ANK3: variants seen among roughly 807,000 people sequenced by gnomAD.
ANK3 encodes ankyrin-3.
Under a neutral mutation model 370.9 loss-of-function variants are expected in ANK3, and 57 were observed. That is an observed-to-expected ratio of 0.15 (90% CI 0.12 to 0.19). ANK3 has a LOEUF of 0.19. ANK3 is among the 10% of genes least tolerant of loss of function. The probability of loss-of-function intolerance (pLI) is 1.00; values close to 1 mark genes in which losing one functional copy is unlikely to be tolerated. For missense variants in ANK3, 4,439 were observed against 5,302.1 expected, an observed-to-expected ratio of 0.84 and a Z score of 5.06; for synonymous variants, 1,929 against 1,946.3, an observed-to-expected ratio of 0.99 and a Z score of 0.23.
At chr10:60,577,576 C>T (rs749861279) in intron 2 of ANK3, among the ~76,000 whole-genome samples, 9 of 152,068 alleles carry the variant, frequency 5.9e-5, no homozygotes, top group Non-Finnish European at 1.0e-4. Flanking sequence ...TGTTTGCCAC[C>T]ATGTAAGATG....
chr10:60,209,416 T>C (rs1055327605), intron 9 of ANK3, among the ~76,000 whole-genome samples: 1 of 152,192 alleles, frequency 6.6e-6, no homozygotes, highest in African/African-American at 2.4e-5. Flanking sequence ...AAGCTCCTTG[T>C]TAACCATTCT....
At chr10:60,540,930 T>C (rs1466985993) in intron 2 of ANK3, among the ~76,000 whole-genome samples, 1 of 151,960 alleles carries the variant, frequency 6.6e-6, no homozygotes, top group Non-Finnish European at 1.5e-5. Flanking sequence ...ACAGCATGTA[T>C]AAAGATATTT....
intron 2 of ANK3, among the ~76,000 whole-genome samples, chr10:60,570,282 T>C (rs1174187673): frequency 1.3e-5 from 2 of 152,104 alleles, no homozygotes; most frequent in Non-Finnish European, 2.9e-5. Flanking sequence ...GAGAATAAAG[T>C]AGGTATCTGA....
chr10:60,502,509 A>T (rs2075826629), intron 2 of ANK3, among the ~76,000 whole-genome samples: 1 of 152,156 alleles, frequency 6.6e-6, no homozygotes, highest in East Asian at 1.9e-4. Context: ...ATTTGGCAGA[A>T]TATCTGGCAT....
intron 2 of ANK3, among the ~76,000 whole-genome samples, chr10:60,464,572 T>G (rs761276840): frequency 6.6e-6 from 1 of 152,168 alleles, no homozygotes; most frequent in African/African-American, 2.4e-5. Context: ...CCCGATGTAA[T>G]GTGCTGAGAA....
chr10:60,196,460 A>G, intron 15 of ANK3, 67 bp downstream of exon 15: 1 of 1,123,332 alleles, frequency 8.9e-7, no homozygotes, highest in South Asian at 1.3e-5. Flanking sequence ...CTATTAGTGA[A>G]TATTAGCAAG....
chr10:60,686,615 T>C (rs61491237), intron 1 of ANK3, among the ~76,000 whole-genome samples: 1,791 of 152,324 alleles, frequency 0.012, 35 homozygotes, highest in African/African-American at 0.04. Context: ...TCATTTAATC[T>C]TCCTAACAAC....
At chr10:60,374,522 C>A (rs2060513695) in intron 1 of ANK3, among the ~76,000 whole-genome samples, 1 of 152,094 alleles carries the variant, frequency 6.6e-6, no homozygotes. Flanking sequence ...AGGGTATGCT[C>A]TGGGGATGGT....
At chr10:60,692,877 T>C (rs949169420) in intron 1 of ANK3, among the ~76,000 whole-genome samples, 4 of 151,856 alleles carry the variant, frequency 2.6e-5, no homozygotes, top group African/African-American at 7.3e-5. Context: ...GGTCAAAGAA[T>C]TGAATGACAC....
At chr10:60,522,426 C>T (rs2076369864) in intron 2 of ANK3, among the ~76,000 whole-genome samples, 1 of 150,504 alleles carries the variant, frequency 6.6e-6, no homozygotes, top group Non-Finnish European at 1.5e-5. Context: ...GTCTCCTTTG[C>T]TAGATTAAAA....
At chr10:60,566,868 C>A (rs1330099607) in intron 2 of ANK3, among the ~76,000 whole-genome samples, 3 of 152,124 alleles carry the variant, frequency 2.0e-5, no homozygotes, top group Non-Finnish European at 4.4e-5. Context: ...AAGAGTGAGA[C>A]CCTGTCTCTT....
At chr10:60,055,606 G>T in intron 42 of ANK3, 52 bp downstream of exon 42, 2 of 1,530,614 alleles carry the variant, frequency 1.3e-6, no homozygotes, top group Non-Finnish European at 1.7e-6. Flanking sequence ...AAGAAGTAAA[G>T]CACCGATACT....
At chr10:60,520,627 T>TA (rs1433121789) in intron 2 of ANK3, among the ~76,000 whole-genome samples, 2 of 152,132 alleles carry the variant, frequency 1.3e-5, no homozygotes, top group Non-Finnish European at 2.9e-5. Context: ...TTTGTCTGTA[T>TA]ATTCTCCTGA....
chr10:60,084,551 C>A (rs1445294721), intron 32 of ANK3, 51 bp downstream of exon 32: 1 of 1,453,506 alleles, frequency 6.9e-7, no homozygotes, highest in South Asian at 1.1e-5. Flanking sequence ...AAAATAAAAC[C>A]TCATATCTGG....
At chr10:60,378,676 C>G (rs2061138922) in intron 1 of ANK3, among the ~76,000 whole-genome samples, 1 of 151,960 alleles carries the variant, frequency 6.6e-6, no homozygotes, top group African/African-American at 2.4e-5. Context: ...CTAGACTTTC[C>G]CTTCTTACCC....
At chr10:60,151,898 A>G (rs1277122974) in intron 23 of ANK3, among the ~76,000 whole-genome samples, 1 of 152,200 alleles carries the variant, frequency 6.6e-6, no homozygotes, top group Non-Finnish European at 1.5e-5. Context: ...TTCCACATCT[A>G]TGAAATGAAA....
chr10:60,627,956 T>C (rs2078433688), intron 1 of ANK3, among the ~76,000 whole-genome samples: 1 of 152,156 alleles, frequency 6.6e-6, no homozygotes, highest in African/African-American at 2.4e-5. Flanking sequence ...CCAGAATTCA[T>C]GCCCAGGGAG....
At chr10:60,385,107 G>T (rs111544964) in intron 1 of ANK3, among the ~76,000 whole-genome samples, 4 of 151,972 alleles carry the variant, frequency 2.6e-5, no homozygotes, top group African/African-American at 9.7e-5. Context: ...GTCTCTCCCC[G>T]CTTTGAGCAG....
At chr10:60,468,917 G>C (rs1294722418) in intron 2 of ANK3, among the ~76,000 whole-genome samples, 1 of 144,416 alleles carries the variant, frequency 6.9e-6, no homozygotes, top group African/African-American at 2.6e-5. Flanking sequence ...GTGTGTGCAT[G>C]TATGTGTGTG....
Sources: allele counts gnomAD v4.1 joint callset (sites outside exome capture counted in the v4.1 genomes callset), GRCh38; gene constraint gnomAD v4.1.1; transcripts MANE v1.5; gene names NCBI Gene and HGNC (gene_info 2026-07-23, HGNC 2026-07-21).